RBFOX3: variants seen among roughly 807,000 people sequenced by gnomAD.
The protein encoded by RBFOX3 is RNA binding protein fox-1 homolog 3.
RBFOX3 carries 17 observed loss-of-function variants against 48.7 expected under a neutral mutation model. That is an observed-to-expected ratio of 0.35 (90% CI 0.24 to 0.52). The LOEUF is 0.52. Among genes scored for constraint, RBFOX3 ranks in the 20% least tolerant of loss-of-function variants. RBFOX3 has a pLI of 0.94. For synonymous variants in RBFOX3, 212 were observed against 209.5 expected (o/e 1.01, Z -0.10); for missense variants, 382 against 497.5 (o/e 0.77, Z 2.21).
rs898155632 is a variant in RBFOX3 at position 79,485,073 on chromosome 17, C to T, written c.-319-2475G>A. 6.8e-5 allele frequency among the ~76,000 whole-genome samples: 10 copies of T among 147,880 alleles called. 1 individual carries two copies. The highest frequency in any genetic ancestry group is 2.2e-4 in the African/African-American group (9 of 40,604). The stretch of plus-strand genomic sequence containing the variant: ...GGCAGGTGGTCCAGGGAGACTCCTG[C>T]CCCGCTGCTCTCTCCCACCAGCCCC... On this transcript the variant is annotated intron_variant, in intron 1 of 14. Transcript: ENST00000693108.
chr17:79,622,487 G>A, the RBFOX3 span, among the ~76,000 whole-genome samples: 2 of 152,142 alleles, frequency 1.3e-5, no homozygotes, highest in African/African-American at 2.4e-5. Flanking sequence ...TCAGGCCACC[G>A]TCTCAGAGGA....
At chr17:79,091,917 C>G (rs1365249922) in intron 14 of RBFOX3, 1 of 973,314 alleles carries the variant, frequency 1.0e-6, no homozygotes, top group Admixed American at 6.1e-5. Context: ...GCACACCACG[C>G]GACACGCTTG....
intron 2 of RBFOX3, among the ~76,000 whole-genome samples, chr17:79,393,014 C>T (rs557627143): frequency 9.9e-5 from 15 of 152,190 alleles, no homozygotes; most frequent in East Asian, 1.9e-4. Flanking sequence ...CCAAGTGCAT[C>T]GTGATGGAGA....
At chr17:79,275,588 T>C (rs898536) in intron 3 of RBFOX3, among the ~76,000 whole-genome samples, 124,370 of 152,172 alleles carry the variant, frequency 0.82, 51,119 homozygotes, top group East Asian at 0.99. Flanking sequence ...CCCTCCCCAA[T>C]GGACACAGAA....
At chr17:79,210,818 C>T (rs1468857999) in intron 4 of RBFOX3, among the ~76,000 whole-genome samples, 2 of 151,948 alleles carry the variant, frequency 1.3e-5, no homozygotes, top group South Asian at 2.1e-4. Flanking sequence ...ATGAGGGTGC[C>T]GAGTTTTGGA....
intron 3 of RBFOX3, among the ~76,000 whole-genome samples, chr17:79,292,143 G>A (rs1286574876): frequency 3.3e-5 from 5 of 152,064 alleles, no homozygotes; most frequent in African/African-American, 1.2e-4. Context: ...TCATATTGTG[G>A]TAATAGAGGG....
chr17:79,155,439 G>T (rs1300806617), intron 4 of RBFOX3, among the ~76,000 whole-genome samples: 1 of 152,262 alleles, frequency 6.6e-6, no homozygotes. Context: ...TCCATCAGAC[G>T]GATACCTCGG....
intron 4 of RBFOX3, among the ~76,000 whole-genome samples, chr17:79,152,134 G>A (rs1332551927): frequency 6.6e-6 from 1 of 152,076 alleles, no homozygotes; most frequent in African/African-American, 2.4e-5. Flanking sequence ...GCCTGAGACT[G>A]TGCATAAGTG....
intron 1 of RBFOX3, among the ~76,000 whole-genome samples, chr17:79,607,896 C>T (rs1306220655): frequency 6.6e-6 from 1 of 152,232 alleles, no homozygotes; most frequent in Non-Finnish European, 1.5e-5. Context: ...CAGCCACGCT[C>T]CAAGTTGAGT....
intron 3 of RBFOX3, among the ~76,000 whole-genome samples, chr17:79,272,200 C>T (rs2143775087): frequency 6.6e-6 from 1 of 152,270 alleles, no homozygotes; most frequent in Admixed American, 6.5e-5. Flanking sequence ...GCAGCAGCCG[C>T]CGTTGCTATT....
At chr17:79,400,403 C>A (rs1020527164) in intron 2 of RBFOX3, among the ~76,000 whole-genome samples, 10 of 152,210 alleles carry the variant, frequency 6.6e-5, no homozygotes, top group African/African-American at 2.2e-4. Flanking sequence ...TGTCTTCACA[C>A]GGCGTTTTTG....
chr17:79,381,985 C>T (rs2059982539), intron 2 of RBFOX3, among the ~76,000 whole-genome samples: 1 of 152,208 alleles, frequency 6.6e-6, no homozygotes, highest in African/African-American at 2.4e-5. Context: ...CAGCTCAGTG[C>T]TCCATGCACT....
intron 2 of RBFOX3, among the ~76,000 whole-genome samples, chr17:79,379,241 C>G (rs2059593557): frequency 6.6e-6 from 1 of 152,164 alleles, no homozygotes; most frequent in African/African-American, 2.4e-5. Context: ...CTGTTTCACT[C>G]CCAGGGCTCA....
intron 2 of RBFOX3, among the ~76,000 whole-genome samples, chr17:79,330,314 T>A (rs546340460): frequency 6.6e-6 from 1 of 152,308 alleles, no homozygotes; most frequent in East Asian, 1.9e-4. Flanking sequence ...TTCACTGCCA[T>A]GCAGGGGCTT....
chr17:79,415,589 C>T lies in RBFOX3; in HGVS notation c.-175+66865G>A, dbSNP rs371427078. Among the ~76,000 whole-genome samples the T allele has an allele frequency of 9.8e-5, 15 of 152,308 alleles. No homozygotes were observed. The East Asian group carries it at 2.1e-3, about 22-fold the overall frequency. On this transcript the variant is annotated intron_variant, in intron 2 of 14. Coordinates refer to ENST00000693108, the MANE Select transcript of RBFOX3 (RefSeq NM_001350451.2). ...CCCAAGCTTTCCAAAGCCACTCTGC[C>T]GGCTCCTGGGGCCACCAGGGCGGGC... is the stretch of plus-strand genomic sequence containing the variant.
the RBFOX3 span, among the ~76,000 whole-genome samples, chr17:79,624,363 A>G: frequency 5.9e-5 from 9 of 151,536 alleles, no homozygotes; most frequent in African/African-American, 2.2e-4. Context: ...TGGGGAAGGG[A>G]GGGAGGCTGG....
the RBFOX3 span, among the ~76,000 whole-genome samples, chr17:79,655,091 G>A: frequency 3.3e-5 from 5 of 152,256 alleles, no homozygotes; most frequent in African/African-American, 9.6e-5. Flanking sequence ...TGAACACACC[G>A]GGCCGTGAGT....
intron 2 of RBFOX3, among the ~76,000 whole-genome samples, chr17:79,380,962 A>T (rs1276783065): frequency 2.0e-5 from 3 of 152,226 alleles, no homozygotes; most frequent in Non-Finnish European, 2.9e-5. Flanking sequence ...CAGTAGTCAC[A>T]TTAAGAAGGT....
chr17:79,398,741 C>T (rs531705475), intron 2 of RBFOX3, among the ~76,000 whole-genome samples: 1 of 152,314 alleles, frequency 6.6e-6, no homozygotes, highest in Admixed American at 6.5e-5. Flanking sequence ...GGCAGGGGCA[C>T]AGTGGCCATC....
Sources: allele counts gnomAD v4.1 joint callset (sites outside exome capture counted in the v4.1 genomes callset), GRCh38; gene constraint gnomAD v4.1.1; transcripts MANE v1.5; gene names NCBI Gene and HGNC (gene_info 2026-07-23, HGNC 2026-07-21).